TLL1: variants seen among roughly 807,000 people sequenced by gnomAD.
TLL1 encodes the protein tolloid like 1.
In TLL1, 49 loss-of-function variants were observed where a neutral mutation model predicts 128.2. The observed-to-expected ratio is 0.38, with a 90% confidence interval of 0.30 to 0.48. The LOEUF is 0.48. Among genes scored for constraint, TLL1 ranks in the 20% least tolerant of loss-of-function variants. The pLI is 0.96. For synonymous variants in TLL1, 454 were observed against 418.8 expected (o/e 1.08, Z -1.03); for missense variants, 1,123 against 1,242.0 (o/e 0.90, Z 1.44).
chr4:165,903,206 T>C (rs1732080365), intron 1 of TLL1, among the ~76,000 whole-genome samples: 1 of 151,788 alleles, frequency 6.6e-6, no homozygotes. Context: ...GGTGTGGTGG[T>C]GCATGCCCGT....
Position 166,042,049 on chromosome 4 carries a change from G to A in TLL1, c.1284G>A (p.Leu428=). 5 of 1,611,616 alleles carry A rather than the reference G, an allele frequency of 3.1e-6. No individual in the cohort carries two copies. Among genetic ancestry groups the A allele is most frequent in the Non-Finnish European group, 4.2e-6 (5 of 1,178,158 alleles). ...TAGGTAGATTCTGTGGGGACAAATT[G>A]CCTGAAGTTCTTACTTCTACAGACA... ...PLLGRFCGDK[L]PEVLTSTDSR... Residue 428 remains leucine (L), a synonymous_variant, in exon 11 of 21, where the codon TTG becomes TTA. Transcript: ENST00000061240.
intron 5 of TLL1, among the ~76,000 whole-genome samples, chr4:165,997,895 A>G (rs939698562): frequency 3.9e-5 from 6 of 152,180 alleles, no homozygotes; most frequent in Non-Finnish European, 7.4e-5. Flanking sequence ...AGTGGGACAT[A>G]TGCTTTAACC....
chr4:166,062,184 T>C (rs1191858181), intron 15 of TLL1, among the ~76,000 whole-genome samples: 2 of 152,194 alleles, frequency 1.3e-5, no homozygotes, highest in African/African-American at 4.8e-5. Context: ...TGGCTTAGGA[T>C]TGTCGTGGAG....
chr4:166,077,318 G>A (rs1018340175), intron 17 of TLL1, among the ~76,000 whole-genome samples: 1 of 151,636 alleles, frequency 6.6e-6, no homozygotes, highest in Non-Finnish European at 1.5e-5. Context: ...GCTAGTAGCT[G>A]TTCATTTATC....
intron 1 of TLL1, among the ~76,000 whole-genome samples, chr4:165,921,641 C>T (rs1388985408): frequency 6.6e-6 from 1 of 152,148 alleles, no homozygotes; most frequent in Non-Finnish European, 1.5e-5. Flanking sequence ...ACACCCTTCC[C>T]TTGATGTCTT....
At chr4:165,939,870 A>G (rs1416991331) in intron 1 of TLL1, among the ~76,000 whole-genome samples, 3 of 152,054 alleles carry the variant, frequency 2.0e-5, no homozygotes, top group Admixed American at 6.6e-5. Flanking sequence ...AAATATTCCT[A>G]TGGACTTCTT....
Position 165,918,879 on chromosome 4 carries a change from G to A in TLL1, c.169+44806G>A, listed in dbSNP as rs150189377. 4.0e-3 allele frequency among the ~76,000 whole-genome samples: 609 copies of A among 152,222 alleles called. 4 individuals carry two copies. Among genetic ancestry groups the A allele is most frequent in the African/African-American group, 0.013 (558 of 41,556 alleles). The stretch of plus-strand genomic sequence containing the variant: ...CTGGAGAGTAAATGAAGACCCTGGC[G>A]TAGCTCCAGTGTACCTCAACTGGAC... On this transcript the variant is annotated intron_variant, in intron 1 of 20. Transcript: ENST00000061240.
chr4:165,922,024 A>G (rs1733065037), intron 1 of TLL1, among the ~76,000 whole-genome samples: 1 of 152,126 alleles, frequency 6.6e-6, no homozygotes, highest in Non-Finnish European at 1.5e-5. Flanking sequence ...CTTGGATGAG[A>G]GAGAAAGAAA....
intron 12 of TLL1, chr4:166,044,368 G>A (rs1344856554): frequency 1.3e-6 from 2 of 1,535,358 alleles, no homozygotes; most frequent in Non-Finnish European, 1.7e-6. Context: ...CCTGCAGCAG[G>A]AGCACCAGGA....
chr4:166,093,013 T>C (rs2111160179), intron 19 of TLL1, among the ~76,000 whole-genome samples: 1 of 152,340 alleles, frequency 6.6e-6, no homozygotes, highest in East Asian at 1.9e-4. Flanking sequence ...GTTTGCATTA[T>C]GATTAACATT....
chr4:165,929,838 T>A lies in TLL1; in HGVS notation c.169+55765T>A, dbSNP rs560944370. ...GTTGCTCAGGACTTCTGAAGTAATG[T>A]CTGCAGACTATGTGAGAAGAAAAAG... On this transcript the variant is annotated intron_variant, in intron 1 of 20. Coordinates refer to ENST00000061240, the MANE Select transcript of TLL1 (RefSeq NM_012464.5). Among the ~76,000 whole-genome samples, 50 of 152,306 alleles carry A rather than the reference T, an allele frequency of 3.3e-4. 2 individuals are homozygous for A. In the South Asian group the frequency reaches 9.9e-3, roughly 30 times the overall value.
chr4:166,042,917 AT>A (rs1282299393), intron 11 of TLL1, among the ~76,000 whole-genome samples: 9 of 152,280 alleles, frequency 5.9e-5, no homozygotes, highest in African/African-American at 2.2e-4. Flanking sequence ...CTGATGAGCT[AT>A]TTTACCTGTG....
chr4:165,936,882 G>A (rs566225615), intron 1 of TLL1, among the ~76,000 whole-genome samples: 2 of 152,218 alleles, frequency 1.3e-5, no homozygotes, highest in Non-Finnish European at 2.9e-5. Flanking sequence ...GCCGTGAGCC[G>A]AGATGGCCCC....
chr4:165,890,882 G>C (rs1319382384), intron 1 of TLL1, among the ~76,000 whole-genome samples: 1 of 152,140 alleles, frequency 6.6e-6, no homozygotes, highest in Non-Finnish European at 1.5e-5. Context: ...CTTCCATACT[G>C]CCCTAGCAGA....
intron 1 of TLL1, among the ~76,000 whole-genome samples, chr4:165,944,752 T>C (rs1461450849): frequency 2.0e-5 from 3 of 151,910 alleles, no homozygotes; most frequent in East Asian, 1.9e-4. Flanking sequence ...AAAAATAAGA[T>C]TGAAACTGGG....
chr4:165,945,369 G>T (rs1328952502), intron 1 of TLL1, among the ~76,000 whole-genome samples: 1 of 152,132 alleles, frequency 6.6e-6, no homozygotes, highest in East Asian at 1.9e-4. Flanking sequence ...GGGATCAGGG[G>T]ATGACTTTGA....
At chr4:165,964,900 G>A (rs558257992) in intron 1 of TLL1, among the ~76,000 whole-genome samples, 2 of 151,964 alleles carry the variant, frequency 1.3e-5, no homozygotes, top group East Asian at 1.9e-4. Context: ...TCACACCACT[G>A]CACTCCAGAC....
At chr4:165,875,284 C>A (rs945213527) in intron 1 of TLL1, among the ~76,000 whole-genome samples, 3 of 152,100 alleles carry the variant, frequency 2.0e-5, no homozygotes, top group African/African-American at 7.2e-5. Context: ...TCTCTTGGGC[C>A]TGGAGGAAGG....
At chr4:166,038,291 C>T (rs1164768404) in intron 9 of TLL1, among the ~76,000 whole-genome samples, 24 of 151,694 alleles carry the variant, frequency 1.6e-4, no homozygotes, top group Admixed American at 1.6e-3. Context: ...TCACATTCAG[C>T]CTTTTGTATT....
Sources: allele counts gnomAD v4.1 joint callset (sites outside exome capture counted in the v4.1 genomes callset), GRCh38; gene constraint gnomAD v4.1.1; transcripts MANE v1.5; gene names NCBI Gene and HGNC (gene_info 2026-07-23, HGNC 2026-07-21).